The following PIMREG variants were observed in gnomAD, a reference collection of about 807,000 sequenced individuals.
PIMREG encodes the protein protein PIMREG.
PIMREG carries 19 observed loss-of-function variants against 24.3 expected under a neutral mutation model. The ratio of observed to expected loss-of-function variants is 0.78; its 90% CI spans 0.54 to 1.15. The LOEUF (loss-of-function observed/expected upper bound fraction) is 1.15, where lower values mean the gene tolerates loss of function less well. Ranked by LOEUF, PIMREG falls within the 50% of genes most tolerant of loss-of-function variation. The pLI is 0.00. For synonymous variants in PIMREG, 112 were observed against 124.1 expected, an observed-to-expected ratio of 0.90 and a Z score of 0.65; for missense variants, 283 against 306.8, an observed-to-expected ratio of 0.92 and a Z score of 0.58.
In PIMREG at chr17:6,447,555, T is replaced by C. The variant is rs1440769738; in HGVS notation, c.387T>C (p.Ser129=). 2 of 1,614,124 alleles carry C rather than the reference T, an allele frequency of 1.2e-6. No individual in the cohort carries two copies. The highest frequency in any genetic ancestry group is 1.1e-5 in the South Asian group (1 of 91,086). ...RRRKRGAQKG[S]GSPTHSLSQK... is the part of the protein sequence containing the mutation. ...GGAAGAGAGGAGCACAGAAGGGCAG[T>C]GGATCCCCAACTCACAGCCTGAGCC... is the stretch of plus-strand genomic sequence containing the variant. The change falls in exon 3 of 6, where the codon AGT becomes AGC. Residue 129 remains serine, a synonymous_variant. Transcript: ENST00000572447.
At chr17:6,448,871 C>T (rs1245274581) in intron 3 of PIMREG, among the ~76,000 whole-genome samples, 1 of 152,198 alleles carries the variant, frequency 6.6e-6, no homozygotes, top group East Asian at 1.9e-4. Context: ...TAAAATAAGG[C>T]TTGTGTACAC....
chr17:6,448,301 AAG>A (rs1555549521), intron 3 of PIMREG, among the ~76,000 whole-genome samples: 3 of 149,322 alleles, frequency 2.0e-5, no homozygotes, highest in East Asian at 1.9e-4. Context: ...AAAAAAAAAA[AAG>A]AGAGAGAGAA....
chr17:6,445,920 G>A (rs953436128), intron 2 of PIMREG, among the ~76,000 whole-genome samples: 3 of 152,212 alleles, frequency 2.0e-5, no homozygotes, highest in South Asian at 2.1e-4. Context: ...AGAGCAGGGG[G>A]AAAGGATATG....
Position 6,450,089 on chromosome 17 carries a change from AAG to A in PIMREG, c.*14+20_*14+21del, listed in dbSNP as rs755644872. 1.9e-6 allele frequency: 3 copies of A among 1,612,766 alleles called. No homozygotes were observed. The highest frequency in any genetic ancestry group is 3.3e-5 in the Admixed American group (2 of 60,014). On this transcript the variant is annotated intron_variant, in intron 5 of 5. Coordinates refer to ENST00000572447, the MANE Select transcript of PIMREG (RefSeq NM_019013.3). ...TGCCTGCAGGTAATGCCCACCTCCC[AAG>A]AGTCTTTCTCACTGTCCTTCTCCTC...
Position 6,449,340 on chromosome 17 carries a change from G to A in PIMREG, c.619G>A (p.Gly207Arg). ...SESDSDLEPV[G>R]AGIQHLQKLS... is the part of the protein sequence containing the mutation. The stretch of plus-strand genomic sequence containing the variant: ...GTCTGACAGTGACCTAGAGCCTGTG[G>A]GGGCGGGAATTCAGCATCTCCAGAA... Residue 207 changes from glycine to arginine, a missense_variant, in exon 4 of 6, where the codon GGG becomes AGG. By Grantham distance (125) the Gly-to-Arg change is moderately radical. Transcript: ENST00000572447. 3 of 1,613,270 alleles carry A rather than the reference G, an allele frequency of 1.9e-6. No homozygotes were observed. The highest frequency in any genetic ancestry group is 2.5e-6 in the Non-Finnish European group (3 of 1,179,608).
chr17:6,446,847 G>A (rs576119698), intron 2 of PIMREG, among the ~76,000 whole-genome samples: 2 of 152,278 alleles, frequency 1.3e-5, no homozygotes, highest in African/African-American at 4.8e-5. Context: ...CTTCAGTCCT[G>A]GGGTCACCGT....
chr17:6,445,516 G>A, intron 2 of PIMREG, 112 bp downstream of exon 2: 2 of 1,186,210 alleles, frequency 1.7e-6, no homozygotes, highest in Non-Finnish European at 2.3e-6. Context: ...AGGGACGTTG[G>A]TTAGTTCACT....
chr17:6,446,328 G>C (rs969705016), intron 2 of PIMREG: 5 of 397,048 alleles, frequency 1.3e-5, no homozygotes, highest in Middle Eastern at 1.2e-3. Flanking sequence ...GCTTCTCCTC[G>C]GTGTCTCATT....
Position 6,450,289 on chromosome 17 carries a change from C to T in PIMREG, c.*15-73C>T, listed in dbSNP as rs1215992559. ...AGCCACCTTCCAGCACCCCCCACCC[C>T]GCAGTGAGCAGGGAAAGGCATCCCT... On this transcript the variant is annotated intron_variant, in intron 5 of 5. Transcript: ENST00000572447. 25 of 1,369,316 alleles carry T rather than the reference C, an allele frequency of 1.8e-5. 1 individual carries two copies. The highest frequency in any genetic ancestry group is 7.7e-5 in the South Asian group (6 of 77,816). The allele number at this position is 1,369,316 out of a possible 1,614,324, so 84.8% of individuals were successfully genotyped here.
At chr17:6,448,218 A>C (rs1218694685) in intron 3 of PIMREG, among the ~76,000 whole-genome samples, 2 of 135,316 alleles carry the variant, frequency 1.5e-5, no homozygotes, top group African/African-American at 5.4e-5. Flanking sequence ...GGGAGGTGGA[A>C]GTTGCATTGA....
Position 6,444,478 on chromosome 17 carries a change from A to T in PIMREG, c.-46A>T, listed in dbSNP as rs1292474736. On this transcript the variant is annotated 5_prime_UTR_variant, in exon 1 of 6. Transcript: ENST00000572447. The surrounding 1 kb of genome is among the most constrained non-coding windows in gnomAD (Gnocchi z 4.3). ...CTGTGCTGCGGCTGTGCTCGGCCTT[A>T]GTGGTGTCGGGTGAGTGCGGGCTGG... The T allele has an allele frequency of 6.5e-6, 1 of 153,310 alleles. No individual in the cohort carries two copies. The highest frequency in any genetic ancestry group is 1.5e-5 in the Non-Finnish European group (1 of 68,784). 9.5% of individuals were successfully genotyped at this position (153,310 alleles called of 1,614,324 possible). A position where few individuals can be genotyped will look rare whatever the true frequency, so the allele number is the denominator to read the frequency against.
intron 2 of PIMREG, among the ~76,000 whole-genome samples, chr17:6,446,591 C>A (rs1020914466): frequency 1.3e-5 from 2 of 152,112 alleles, no homozygotes; most frequent in Non-Finnish European, 2.9e-5. Flanking sequence ...TGAAGAAGAG[C>A]CTTCACGGCT....
At chr17:6,449,883 T>C in intron 4 of PIMREG, 145 bp from the exon 5 acceptor site, 1 of 1,399,142 alleles carries the variant, frequency 7.1e-7, no homozygotes, top group Non-Finnish European at 9.8e-7. Flanking sequence ...CATGATGGGC[T>C]CTAAGGCTGG....
At chr17:6,446,187 T>A (rs1488691780) in intron 2 of PIMREG, 1 of 401,122 alleles carries the variant, frequency 2.5e-6, no homozygotes, top group African/African-American at 2.1e-5. Flanking sequence ...TTATATTGGA[T>A]GTAAGTGTCT....
chr17:6,450,287 C>A, intron 5 of PIMREG, 75 bp from the exon 6 acceptor site: 2 of 1,380,468 alleles, frequency 1.4e-6, no homozygotes, highest in South Asian at 2.6e-5. Flanking sequence ...CACCCCCCAC[C>A]CCGCAGTGAG....
chr17:6,445,396 G>A lies in PIMREG; in HGVS notation c.286G>A (p.Val96Met), dbSNP rs775098716. Residue 96 changes from valine (V) to methionine (M), a missense_variant, in exon 2 of 6, where the codon GTG becomes ATG. Coordinates refer to ENST00000572447, the MANE Select transcript of PIMREG (RefSeq NM_019013.3). ...CTCAGCTAAGAGTGCTTTGGGTGCC[G>A]TGTCCCAGGTAATACTGACAACACT... ...ARSAKSALGAVSQRIQESCQS... is the reference protein window; with the variant it reads ...ARSAKSALGAMSQRIQESCQS... The A allele has an allele frequency of 3.3e-5, 53 of 1,610,032 alleles. No homozygotes were observed. The East Asian group carries it at 3.8e-4, about 12-fold the overall frequency.
At chr17:6,449,440 G>A in intron 4 of PIMREG, 33 bp downstream of exon 4, 1 of 1,575,112 alleles carries the variant, frequency 6.3e-7, no homozygotes, top group Non-Finnish European at 8.6e-7. Flanking sequence ...AAAGTGAAGG[G>A]GCCGGGAGGG....
rs571865815 is a variant in PIMREG, at chr17:6,445,233, G to A, written c.123G>A (p.Gly41=). 2 of 1,613,724 alleles carry A rather than the reference G, an allele frequency of 1.2e-6. No homozygotes were observed. Among genetic ancestry groups the A allele is most frequent in the South Asian group, 2.2e-5 (2 of 91,050 alleles). Reference sequence around the variant, plus strand: ...TCAGCCATCAGGAGACCTCTGTAGGGGCCCTGGGGTCCCTGTGCAGACAGT... The same window carrying A: ...TCAGCCATCAGGAGACCTCTGTAGGAGCCCTGGGGTCCCTGTGCAGACAGT... ...PVVSHQETSV[G]ALGSLCRQFQ... is the part of the protein sequence containing the mutation. The change falls in exon 2 of 6, where the codon GGG becomes GGA. Residue 41 remains glycine (G), a synonymous_variant. Coordinates refer to ENST00000572447, the MANE Select transcript of PIMREG (RefSeq NM_019013.3).
chr17:6,447,300 G>A lies in PIMREG; in HGVS notation c.295-163G>A, dbSNP rs1232611686. On this transcript the variant is annotated intron_variant, in intron 2 of 5. Transcript: ENST00000572447. ...CTAATTTTTTTTTGCATTTTTAGTA[G>A]AAATGGGGTTACACCATGTTGGCCA... 14 of 742,702 alleles carry A rather than the reference G, an allele frequency of 1.9e-5. No individual in the cohort carries two copies. In the East Asian group the frequency reaches 3.6e-4, roughly 19 times the overall value. 46.0% of individuals were successfully genotyped at this position (742,702 alleles called of 1,614,324 possible).
Sources: allele counts gnomAD v4.1 joint callset (sites outside exome capture counted in the v4.1 genomes callset), GRCh38; gene constraint gnomAD v4.1.1; non-coding constraint Gnocchi (gnomAD v3.1); transcripts MANE v1.5; gene names NCBI Gene and HGNC (gene_info 2026-07-23, HGNC 2026-07-21).